TMEFF1: variants seen among roughly 807,000 people sequenced by gnomAD.
The protein encoded by TMEFF1 is tomoregulin-1.
Under a neutral mutation model 47.5 loss-of-function variants are expected in TMEFF1, and 20 were observed. That is an observed-to-expected ratio of 0.42 (90% CI 0.30 to 0.61). TMEFF1 has a LOEUF of 0.61. Among genes scored for constraint, TMEFF1 ranks in the 20% least tolerant of loss-of-function variants. The pLI, the probability that TMEFF1 is intolerant of heterozygous loss-of-function variation, is 0.19. For missense variants in TMEFF1, 411 were observed against 471.1 expected (o/e 0.87, Z 1.18); for synonymous variants, 162 against 166.3 (o/e 0.97, Z 0.20).
rs576322309 is a variant in TMEFF1 at position 100,484,866 on chromosome 9, G to A, written c.196+11126G>A. On this transcript the variant is annotated intron_variant, in intron 1 of 9. Coordinates refer to ENST00000374879, the MANE Select transcript of TMEFF1 (RefSeq NM_003692.5). Reference sequence around the variant, plus strand: ...CTAATTTTGTATTTTTAGTAGAGACGGAGTTTCACTGCGTTGGCCAGGCTG... The same window carrying A: ...CTAATTTTGTATTTTTAGTAGAGACAGAGTTTCACTGCGTTGGCCAGGCTG... Among the ~76,000 whole-genome samples, 5 of 151,680 alleles carry A rather than the reference G, an allele frequency of 3.3e-5. No individual in the cohort carries two copies. The East Asian group carries it at 7.8e-4, about 24-fold the overall frequency.
intron 5 of TMEFF1, among the ~76,000 whole-genome samples, chr9:100,527,753 C>T (rs910463966): frequency 2.0e-5 from 3 of 152,216 alleles, no homozygotes; most frequent in African/African-American, 7.2e-5. Context: ...CTCAAGGAGG[C>T]CTGCCTGCCT....
At chr9:100,522,886 C>G (rs1339768867) in intron 5 of TMEFF1, among the ~76,000 whole-genome samples, 1 of 152,164 alleles carries the variant, frequency 6.6e-6, no homozygotes, top group Non-Finnish European at 1.5e-5. Flanking sequence ...AGGTGCCCGC[C>G]ACCACACCCA....
intron 7 of TMEFF1, among the ~76,000 whole-genome samples, chr9:100,558,066 T>G (rs530503767): frequency 6.6e-6 from 1 of 152,300 alleles, no homozygotes; most frequent in South Asian, 2.1e-4. Flanking sequence ...AGTATATGTT[T>G]ATTGGTGCCA....
At chr9:100,512,287 A>G (rs1229223082) in intron 3 of TMEFF1, among the ~76,000 whole-genome samples, 1 of 152,196 alleles carries the variant, frequency 6.6e-6, no homozygotes, top group Non-Finnish European at 1.5e-5. Context: ...AAGACTTTCC[A>G]TAAAATCCCA....
intron 7 of TMEFF1, among the ~76,000 whole-genome samples, chr9:100,553,564 T>C (rs1055110005): frequency 6.6e-6 from 1 of 152,222 alleles, no homozygotes; most frequent in Non-Finnish European, 1.5e-5. Context: ...GAATAGCTGC[T>C]GAATTAGAGC....
At chr9:100,480,963 T>A (rs910837021) in intron 1 of TMEFF1, among the ~76,000 whole-genome samples, 4 of 152,216 alleles carry the variant, frequency 2.6e-5, no homozygotes, top group African/African-American at 9.6e-5. Flanking sequence ...TAAGTGGCAC[T>A]CAAGCTGGGC....
chr9:100,482,223 T>C (rs1252743448), intron 1 of TMEFF1, among the ~76,000 whole-genome samples: 1 of 149,382 alleles, frequency 6.7e-6, no homozygotes, highest in African/African-American at 2.5e-5. Flanking sequence ...TTGGAGACAG[T>C]ATCTTGCTCT....
intron 7 of TMEFF1, among the ~76,000 whole-genome samples, chr9:100,555,366 T>C (rs1443767359): frequency 6.6e-6 from 1 of 152,322 alleles, no homozygotes; most frequent in African/African-American, 2.4e-5. Context: ...TTACATCTTT[T>C]GAGGCTTTTT....
rs1372036985 is a variant in TMEFF1, at chr9:100,473,400, TG to T, written c.-141del. The T allele has an allele frequency of 5.3e-5, 28 of 524,158 alleles. No homozygotes were observed. The highest frequency in any genetic ancestry group is 7.5e-5 in the Non-Finnish European group (27 of 358,604). 32.5% of individuals were successfully genotyped at this position (524,158 alleles called of 1,614,324 possible). A position where few individuals can be genotyped will look rare whatever the true frequency, so the allele number is the denominator to read the frequency against. ...GCCCGGGCCTGGCGGACGCTGCGGG[TG>T]GGGCGGGGATGCTGACGGGCTGCTC... On this transcript the variant is annotated 5_prime_UTR_variant, in exon 1 of 10. Coordinates refer to ENST00000374879, the MANE Select transcript of TMEFF1 (RefSeq NM_003692.5). This position sits in a 1 kb window ranked among gnomAD's most constrained non-coding sequence, Gnocchi z 5.4.
At chr9:100,522,045 G>A (rs959616163) in intron 5 of TMEFF1, among the ~76,000 whole-genome samples, 5 of 152,128 alleles carry the variant, frequency 3.3e-5, no homozygotes, top group East Asian at 1.9e-4. Flanking sequence ...ACAATATGAC[G>A]AGTCTCTCCC....
intron 7 of TMEFF1, among the ~76,000 whole-genome samples, chr9:100,555,148 A>G (rs1838892595): frequency 6.7e-6 from 1 of 150,312 alleles, no homozygotes; most frequent in African/African-American, 2.5e-5. Flanking sequence ...TATACTTTTT[A>G]TATTGTACAC....
chr9:100,557,511 A>G (rs1306164910), intron 7 of TMEFF1, among the ~76,000 whole-genome samples: 1 of 152,024 alleles, frequency 6.6e-6, no homozygotes, highest in African/African-American at 2.4e-5. Context: ...GTATCACTCT[A>G]CCTGGGTTGC....
intron 4 of TMEFF1, among the ~76,000 whole-genome samples, chr9:100,515,420 A>G (rs1838048465): frequency 6.6e-6 from 1 of 152,120 alleles, no homozygotes; most frequent in Non-Finnish European, 1.5e-5. Flanking sequence ...GACACCAAAA[A>G]TTAGAAGTTC....
chr9:100,487,781 TTA>T (rs927910516), intron 1 of TMEFF1, among the ~76,000 whole-genome samples: 2 of 147,478 alleles, frequency 1.4e-5, no homozygotes, highest in African/African-American at 2.5e-5. Context: ...TTTTTTTTTT[TTA>T]AATTCTAGGA....
chr9:100,532,546 T>C (rs1314107986), intron 5 of TMEFF1, among the ~76,000 whole-genome samples: 1 of 152,074 alleles, frequency 6.6e-6, no homozygotes, highest in Non-Finnish European at 1.5e-5. Context: ...AGATACCATC[T>C]CACACTAGTT....
chr9:100,576,481 A>C, intron 9 of TMEFF1, 35 bp from the exon 10 acceptor site: 1 of 1,601,306 alleles, frequency 6.2e-7, no homozygotes, highest in Non-Finnish European at 8.5e-7. Flanking sequence ...TCATCAAAAC[A>C]ATATTTTTCT....
intron 8 of TMEFF1, 114 bp from the exon 9 acceptor site, chr9:100,572,404 A>G: frequency 5.0e-6 from 6 of 1,205,056 alleles, no homozygotes; most frequent in Non-Finnish European, 5.4e-6. Context: ...AGGAAAGTGC[A>G]TGATATCCTA....
chr9:100,539,550 G>T (rs1310515919), intron 5 of TMEFF1, among the ~76,000 whole-genome samples: 1 of 152,078 alleles, frequency 6.6e-6, no homozygotes, highest in African/African-American at 2.4e-5. Context: ...AAGGCAGCGC[G>T]TCTGGAGTTG....
chr9:100,561,319 T>A, intron 7 of TMEFF1, 78 bp from the exon 8 acceptor site: 1 of 1,550,108 alleles, frequency 6.5e-7, no homozygotes, highest in Non-Finnish European at 8.7e-7. Flanking sequence ...ATTCATTTGC[T>A]GTTTCAGAAC....
Sources: gnomAD v4.1 joint callset for allele counts (sites outside exome capture counted in the v4.1 genomes callset) on GRCh38, gnomAD v4.1.1 for gene constraint, Gnocchi (gnomAD v3.1) non-coding constraint, MANE v1.5 for transcripts, NCBI Gene and HGNC (gene_info 2026-07-23, HGNC 2026-07-21) for gene names.